CSRNP3: variants seen among roughly 807,000 people sequenced by gnomAD.
CSRNP3 encodes the protein cysteine and serine rich nuclear protein 3.
CSRNP3 carries 12 observed loss-of-function variants against 48.0 expected under a neutral mutation model. The observed-to-expected ratio is 0.25, with a 90% CI of 0.16 to 0.41. The LOEUF (loss-of-function observed/expected upper bound fraction) is 0.41, where lower values mean the gene tolerates loss of function less well. Among genes scored for constraint, CSRNP3 ranks in the 10% least tolerant of loss-of-function variants. The pLI is 1.00. For synonymous variants in CSRNP3, 263 were observed against 269.7 expected (o/e 0.98, Z 0.24); for missense variants, 580 against 724.4 (o/e 0.80, Z 2.29).
intron 5 of CSRNP3, among the ~76,000 whole-genome samples, chr2:165,661,972 G>T (rs373242640): frequency 3.9e-5 from 6 of 152,198 alleles, no homozygotes; most frequent in Non-Finnish European, 5.9e-5. Flanking sequence ...CTGTCCCTCT[G>T]TATCTTTCCA....
chr2:165,678,934 C>G lies in CSRNP3; in HGVS notation c.939C>G (p.Ile313Met), dbSNP rs1422985908. The G allele has an allele frequency of 1.9e-6, 3 of 1,613,980 alleles. No homozygotes were observed. In the South Asian group the frequency reaches 3.3e-5, roughly 18 times the overall value. Residue 313 changes from isoleucine (I) to methionine (M), a missense_variant, in exon 7 of 7, where the codon ATC (isoleucine) becomes ATG (methionine). This residue lies in a region of CSRNP3 where 369 missense variants were observed against 380.8 expected (regional missense o/e 0.97). Coordinates refer to ENST00000651982, the MANE Select transcript of CSRNP3 (RefSeq NM_001172173.2). ...GPVAHSVEYS[I>M]ADSFEIETEP... ...TCGCTCACTCCGTAGAATATTCAAT[C>G]GCAGACAGTTTTGAGATTGAAACTG... is the stretch of plus-strand genomic sequence containing the variant.
rs1558951399 is a variant in CSRNP3, at chr2:165,615,887, G to GTTT, written c.148+20674_148+20675insTTT. Among the ~76,000 whole-genome samples, 106 of 126,642 alleles carry GTTT rather than the reference G, an allele frequency of 8.4e-4. 3 individuals carry two copies. The highest frequency in any genetic ancestry group is 7.0e-3 in the East Asian group (26 of 3,726). The allele number at this position is 126,642 out of a possible 152,430, so 83.1% of individuals were successfully genotyped here. A position where few individuals can be genotyped will look rare whatever the true frequency, so the allele number is the denominator to read the frequency against. On this transcript the variant is annotated intron_variant, in intron 4 of 6. Coordinates refer to ENST00000651982, the MANE Select transcript of CSRNP3 (RefSeq NM_001172173.2). ...CACCATATCTGGCTAATGTTTGTGGGGTTTTTTTTTTTTTTTTTTTTTTTT... is the reference window on the plus strand; with the variant it reads ...CACCATATCTGGCTAATGTTTGTGGGTTTGTTTTTTTTTTTTTTTTTTTTTTTT...
chr2:165,662,037 A>T (rs1359716307), intron 5 of CSRNP3, among the ~76,000 whole-genome samples: 6 of 151,630 alleles, frequency 4.0e-5, no homozygotes. Context: ...GGCACCTCTC[A>T]TAATGGGGCT....
Position 165,680,103 on chromosome 2 carries a change from G to T in CSRNP3, c.*350G>T, listed in dbSNP as rs1408501790. ...GGCCTGTGCAAGATTGTTAACTAAGGCTGGGAAATAATAAGATTTAGAGTC... is the reference window on the plus strand; with the variant it reads ...GGCCTGTGCAAGATTGTTAACTAAGTCTGGGAAATAATAAGATTTAGAGTC... On this transcript the variant is annotated 3_prime_UTR_variant, in exon 7 of 7. Transcript: ENST00000651982. 5 of 198,734 alleles carry T rather than the reference G, an allele frequency of 2.5e-5. No homozygotes were observed. The highest frequency in any genetic ancestry group is 2.0e-5 in the Non-Finnish European group (2 of 99,156). The allele number at this position is 198,734 out of a possible 1,614,324, so 12.3% of individuals were successfully genotyped here. A position where few individuals can be genotyped will look rare whatever the true frequency, so the allele number is the denominator to read the frequency against.
intron 4 of CSRNP3, among the ~76,000 whole-genome samples, chr2:165,611,361 A>ATGTG (rs1396724088): frequency 6.6e-5 from 3 of 45,206 alleles, no homozygotes; most frequent in African/African-American, 2.1e-4. Flanking sequence ...ATTTCACGAT[A>ATGTG]TATGTGTGTG....
intron 1 of CSRNP3, among the ~76,000 whole-genome samples, chr2:165,484,855 G>C (rs908948665): frequency 6.6e-6 from 1 of 152,268 alleles, no homozygotes; most frequent in East Asian, 1.9e-4. Flanking sequence ...AATTAGATTG[G>C]TGAAAACAAA....
At chr2:165,541,712 C>A (rs1684959927) in intron 3 of CSRNP3, among the ~76,000 whole-genome samples, 1 of 152,114 alleles carries the variant, frequency 6.6e-6, no homozygotes, top group South Asian at 2.1e-4. Context: ...CACCCATGAT[C>A]AGCTCATTCC....
intron 4 of CSRNP3, among the ~76,000 whole-genome samples, chr2:165,619,201 A>G (rs1686299240): frequency 2.0e-5 from 3 of 152,306 alleles, no homozygotes; most frequent in South Asian, 2.1e-4. Flanking sequence ...TTTACCTATG[A>G]TTGTTCCTAG....
At chr2:165,673,803 C>T (rs1687371391) in intron 5 of CSRNP3, among the ~76,000 whole-genome samples, 1 of 151,926 alleles carries the variant, frequency 6.6e-6, no homozygotes, top group Non-Finnish European at 1.5e-5. Context: ...GGTGGATCAC[C>T]TGAGGTCAGG....
intron 3 of CSRNP3, among the ~76,000 whole-genome samples, chr2:165,593,081 G>A (rs780731752): frequency 3.9e-5 from 6 of 152,106 alleles, no homozygotes; most frequent in Admixed American, 6.6e-5. Context: ...GATTACAGGC[G>A]TGAGCCACCG....
rs112058351 is a variant in CSRNP3, at chr2:165,625,333, T to TA, written c.148+30130dup. ...ATAACATGTAGTTGTAAGTGCTCTT[T>TA]AAAAAAAAAAGTGCCAGGCACGGTG... On this transcript the variant is annotated intron_variant, in intron 4 of 6. Coordinates refer to ENST00000651982, the MANE Select transcript of CSRNP3 (RefSeq NM_001172173.2). Among the ~76,000 whole-genome samples, 346 of 147,616 alleles carry TA rather than the reference T, an allele frequency of 2.3e-3. 1 individual carries two copies. Among genetic ancestry groups the TA allele is most frequent in the African/African-American group, 8.0e-3 (321 of 40,304 alleles).
chr2:165,486,098 C>T (rs1010570212), intron 1 of CSRNP3, among the ~76,000 whole-genome samples: 17 of 152,114 alleles, frequency 1.1e-4, no homozygotes, highest in African/African-American at 4.1e-4. Context: ...GCACCGTGCG[C>T]GAGCCGAAGC....
At chr2:165,581,503 C>G (rs991748269) in intron 3 of CSRNP3, among the ~76,000 whole-genome samples, 3 of 151,994 alleles carry the variant, frequency 2.0e-5, no homozygotes, top group African/African-American at 7.2e-5. Context: ...GTATCAGAGC[C>G]TATGTTTTAC....
intron 4 of CSRNP3, among the ~76,000 whole-genome samples, chr2:165,602,856 G>A (rs1037692727): frequency 2.0e-5 from 3 of 151,498 alleles, no homozygotes; most frequent in Non-Finnish European, 2.9e-5. Context: ...CATCCTCTTC[G>A]CCATCTCCTC....
At chr2:165,555,354 T>A (rs903901321) in intron 3 of CSRNP3, among the ~76,000 whole-genome samples, 1 of 152,226 alleles carries the variant, frequency 6.6e-6, no homozygotes, top group Admixed American at 6.5e-5. Flanking sequence ...CAATAGATAC[T>A]TTTTCACGAA....
rs527456173 is a variant in CSRNP3 at position 165,515,868 on chromosome 2, C to T, written c.-112-2005C>T. On this transcript the variant is annotated intron_variant, in intron 2 of 6. Transcript: ENST00000651982. ...TCACTCAGGCTGGAGTTCAGTGGCA[C>T]GAGCTTGGCTCACTGCAACCTCTGC... Among the ~76,000 whole-genome samples the T allele has an allele frequency of 7.7e-5, 11 of 141,976 alleles. No homozygotes were observed. The South Asian group carries it at 1.3e-3, about 17-fold the overall frequency. The allele number at this position is 141,976 out of a possible 152,430, so 93.1% of individuals were successfully genotyped here.
chr2:165,495,538 C>T (rs955973173), intron 2 of CSRNP3, among the ~76,000 whole-genome samples: 1 of 152,002 alleles, frequency 6.6e-6, no homozygotes, highest in African/African-American at 2.4e-5. Flanking sequence ...TAAAAGTCTA[C>T]TCATTTTCAA....
intron 2 of CSRNP3, among the ~76,000 whole-genome samples, chr2:165,499,731 C>T (rs1053435462): frequency 1.3e-5 from 2 of 151,936 alleles, no homozygotes; most frequent in African/African-American, 4.8e-5. Flanking sequence ...ATAAATATAA[C>T]AAAACCAAAA....
intron 4 of CSRNP3, among the ~76,000 whole-genome samples, chr2:165,614,906 A>G (rs1686211871): frequency 6.6e-6 from 1 of 151,780 alleles, no homozygotes; most frequent in Non-Finnish European, 1.5e-5. Context: ...TTTCTTTTTC[A>G]TTGTGGACTG....
Sources: allele counts gnomAD v4.1 joint callset (sites outside exome capture counted in the v4.1 genomes callset), GRCh38; gene constraint gnomAD v4.1.1; regional missense constraint gnomAD v4.1.1; transcripts MANE v1.5; gene names NCBI Gene and HGNC (gene_info 2026-07-23, HGNC 2026-07-21).